ZNF131: variants seen among roughly 807,000 people sequenced by gnomAD.
ZNF131 encodes the protein zinc finger and BTB domain containing 35.
ZNF131 carries 7 observed loss-of-function variants against 60.0 expected under a neutral mutation model. The observed-to-expected ratio is 0.12, with a 90% confidence interval of 0.07 to 0.22. ZNF131 has a LOEUF of 0.22. Among genes scored for constraint, ZNF131 ranks in the 10% least tolerant of loss-of-function variants. The pLI is 1.00. For missense variants in ZNF131, 493 were observed against 740.9 expected (o/e 0.67, Z 3.88); for synonymous variants, 257 against 253.2 (o/e 1.01, Z -0.14).
At chr5:43,150,809 C>G (rs891392617) in intron 4 of ZNF131, among the ~76,000 whole-genome samples, 1 of 152,124 alleles carries the variant, frequency 6.6e-6, no homozygotes, top group Non-Finnish European at 1.5e-5. Context: ...GGACCAGGAC[C>G]TAATCCATTC....
At chr5:43,150,504 A>C (rs1336562196) in intron 4 of ZNF131, among the ~76,000 whole-genome samples, 3 of 152,048 alleles carry the variant, frequency 2.0e-5, no homozygotes, top group Non-Finnish European at 2.9e-5. Context: ...AGGGACCAGG[A>C]CCTGGCTGGG....
At chr5:43,148,265 G>C (rs2111676174) in intron 4 of ZNF131, among the ~76,000 whole-genome samples, 1 of 152,128 alleles carries the variant, frequency 6.6e-6, no homozygotes, top group Non-Finnish European at 1.5e-5. Context: ...TGTAGTCCCA[G>C]CTGCTTGGGG....
At chr5:43,164,120 C>T (rs1238902469) in intron 5 of ZNF131, among the ~76,000 whole-genome samples, 1 of 152,182 alleles carries the variant, frequency 6.6e-6, no homozygotes, top group Admixed American at 6.5e-5. Context: ...TGTATATATA[C>T]AGTCTACTTT....
chr5:43,163,732 T>C (rs995910638), intron 5 of ZNF131, among the ~76,000 whole-genome samples: 4 of 152,224 alleles, frequency 2.6e-5, no homozygotes, highest in Non-Finnish European at 5.9e-5. Context: ...TGTTCCCAAG[T>C]CTTTGTTATA....
intron 4 of ZNF131, among the ~76,000 whole-genome samples, chr5:43,155,800 A>G (rs774439758): frequency 2.0e-5 from 3 of 152,136 alleles, no homozygotes; most frequent in South Asian, 2.1e-4. Flanking sequence ...TTGTGAATCT[A>G]TCTTTATAAA....
At chr5:43,169,822 G>C (rs1254296829) in intron 5 of ZNF131, among the ~76,000 whole-genome samples, 3 of 151,376 alleles carry the variant, frequency 2.0e-5, no homozygotes, top group Non-Finnish European at 4.4e-5. Flanking sequence ...ACAGAGTCTG[G>C]CACTATCACC....
chr5:43,137,933 A>G (rs1422257729), intron 3 of ZNF131, among the ~76,000 whole-genome samples: 2 of 152,250 alleles, frequency 1.3e-5, no homozygotes, highest in African/African-American at 4.8e-5. Flanking sequence ...ACATGGATGA[A>G]CCTTGAGGAC....
chr5:43,122,801 T>C (rs1427443560), intron 2 of ZNF131, among the ~76,000 whole-genome samples: 8 of 152,234 alleles, frequency 5.3e-5, no homozygotes, highest in Non-Finnish European at 1.0e-4. Context: ...AAAATGTTTT[T>C]CATAGCAGAC....
At chr5:43,149,514 GT>G (rs1052838583) in intron 4 of ZNF131, among the ~76,000 whole-genome samples, 2 of 152,140 alleles carry the variant, frequency 1.3e-5, no homozygotes, top group African/African-American at 4.8e-5. Context: ...TGTGTAACAA[GT>G]TTTTGGACAT....
intron 3 of ZNF131, among the ~76,000 whole-genome samples, chr5:43,128,654 C>G (rs1460546405): frequency 1.8e-5 from 1 of 56,920 alleles, no homozygotes; most frequent in Non-Finnish European, 3.5e-5. Flanking sequence ...GAGACTCCAT[C>G]TCAAAAAAAA....
chr5:43,153,112 G>T (rs927850390), intron 4 of ZNF131, among the ~76,000 whole-genome samples: 1 of 152,074 alleles, frequency 6.6e-6, no homozygotes, highest in African/African-American at 2.4e-5. Context: ...TCCCACTTTG[G>T]CTCACATGGG....
chr5:43,151,072 A>G (rs1748246890), intron 4 of ZNF131, among the ~76,000 whole-genome samples: 1 of 152,310 alleles, frequency 6.6e-6, no homozygotes, highest in African/African-American at 2.4e-5. Context: ...TACAGGCTCC[A>G]CATTGTCCCA....
At chr5:43,129,754 A>C (rs1745055669) in intron 3 of ZNF131, among the ~76,000 whole-genome samples, 1 of 152,212 alleles carries the variant, frequency 6.6e-6, no homozygotes, top group Non-Finnish European at 1.5e-5. Context: ...TCCTGGGTTC[A>C]AGCAGTTCTC....
intron 5 of ZNF131, among the ~76,000 whole-genome samples, chr5:43,164,815 T>C (rs1365045303): frequency 6.6e-6 from 1 of 152,208 alleles, no homozygotes; most frequent in Non-Finnish European, 1.5e-5. Context: ...TTGTTATAAA[T>C]TACTGAACCA....
At chr5:43,153,570 A>C (rs1049094435) in intron 4 of ZNF131, among the ~76,000 whole-genome samples, 8 of 150,136 alleles carry the variant, frequency 5.3e-5, no homozygotes, top group African/African-American at 2.0e-4. Context: ...TGAACCTGGG[A>C]GGTGGAGTTT....
chr5:43,140,089 G>A (rs1253291120), intron 4 of ZNF131, among the ~76,000 whole-genome samples: 2 of 141,430 alleles, frequency 1.4e-5, no homozygotes. Context: ...GGTAGTGCAT[G>A]CCTGTGGTCC....
intron 3 of ZNF131, among the ~76,000 whole-genome samples, chr5:43,136,040 G>A (rs1017558798): frequency 6.6e-6 from 1 of 152,144 alleles, no homozygotes; most frequent in Non-Finnish European, 1.5e-5. Flanking sequence ...GCTTGAACCC[G>A]GGAGGTGGTG....
intron 5 of ZNF131, among the ~76,000 whole-genome samples, chr5:43,164,953 C>T (rs909416370): frequency 2.6e-5 from 4 of 152,004 alleles, no homozygotes; most frequent in African/African-American, 9.7e-5. Flanking sequence ...TCTCTCCTCT[C>T]CTCTCTCTCT....
intron 3 of ZNF131, among the ~76,000 whole-genome samples, chr5:43,125,686 C>T (rs1307613655): frequency 6.6e-6 from 1 of 151,724 alleles, no homozygotes; most frequent in Non-Finnish European, 1.5e-5. Flanking sequence ...AAGGCCGAGG[C>T]AGGAGAATCG....
Sources: gnomAD v4.1 joint callset for allele counts (sites outside exome capture counted in the v4.1 genomes callset) on GRCh38, gnomAD v4.1.1 for gene constraint, MANE v1.5 for transcripts, NCBI Gene and HGNC (gene_info 2026-07-23, HGNC 2026-07-21) for gene names.